The following CD300E variants were observed in gnomAD, a reference collection of about 807,000 sequenced individuals.
The protein encoded by CD300E is CMRF35-like molecule 2.
In CD300E, 14 loss-of-function variants were observed where a neutral mutation model predicts 20.9. That is an observed-to-expected ratio of 0.67 (90% CI 0.44 to 1.05). The LOEUF is 1.05. Ranked by LOEUF, CD300E falls within the 50% of genes least tolerant of loss-of-function variation. The pLI is 0.00. For synonymous variants in CD300E, 102 were observed against 103.7 expected (o/e 0.98, Z 0.10); for missense variants, 237 against 253.9 (o/e 0.93, Z 0.45).
rs1348074265 is a variant in CD300E, at chr17:74,611,715, T to C, written c.*938A>G. The C allele has an allele frequency of 6.6e-6, 1 of 152,356 alleles. No homozygotes were observed. The highest frequency in any genetic ancestry group is 1.5e-5 in the Non-Finnish European group (1 of 68,140). 9.4% of individuals were successfully genotyped at this position (152,356 alleles called of 1,614,324 possible). On this transcript the variant is annotated 3_prime_UTR_variant, in exon 4 of 4. Coordinates refer to ENST00000392619, the MANE Select transcript of CD300E (RefSeq NM_181449.3). Reference sequence around the variant, plus strand: ...GAACTGACTCTGTTGACCTTGTGCATTGGACACCTCCAGGTGGGGGAATTC... The same window carrying C: ...GAACTGACTCTGTTGACCTTGTGCACTGGACACCTCCAGGTGGGGGAATTC...
Position 74,611,515 on chromosome 17 carries a change from C to A in CD300E, c.*1138G>T, listed in dbSNP as rs753840590. 3.9e-5 allele frequency: 6 copies of A among 152,280 alleles called. No individual in the cohort carries two copies. The South Asian group carries it at 1.2e-3, about 32-fold the overall frequency. 9.4% of individuals were successfully genotyped at this position (152,280 alleles called of 1,614,324 possible). ...ACAAACATTCAGAAAACCAACTGAG[C>A]TCATTCCCGAGCCAGGGGTCACCAG... On this transcript the variant is annotated 3_prime_UTR_variant, in exon 4 of 4. Transcript: ENST00000392619.
rs954807902 is a variant in CD300E, at chr17:74,612,448, C to A, written c.*205G>T. 3.7e-5 allele frequency: 19 copies of A among 512,946 alleles called. No individual in the cohort carries two copies. Among genetic ancestry groups the A allele is most frequent in the African/African-American group, 3.6e-4 (18 of 50,688 alleles). The allele number at this position is 512,946 out of a possible 1,614,324, so 31.8% of individuals were successfully genotyped here. On this transcript the variant is annotated 3_prime_UTR_variant, in exon 4 of 4. Transcript: ENST00000392619. Reference sequence around the variant, plus strand: ...GGCATGAGGGCAGGGAGGCAGGGGACTGGGGAGGAGAAAGGAGGACCCCCA... The same window carrying A: ...GGCATGAGGGCAGGGAGGCAGGGGAATGGGGAGGAGAAAGGAGGACCCCCA...
At chr17:74,615,857 G>A (rs532790953) in intron 2 of CD300E, among the ~76,000 whole-genome samples, 146 of 152,300 alleles carry the variant, frequency 9.6e-4, no homozygotes, top group African/African-American at 3.3e-3. Context: ...AGGCCAAAGC[G>A]GGTGGATGAC....
At chr17:74,623,489 A>T in intron 1 of CD300E, 93 bp downstream of exon 1, 1 of 1,201,236 alleles carries the variant, frequency 8.3e-7, no homozygotes, top group Non-Finnish European at 1.2e-6. Flanking sequence ...TTTTCTGTGG[A>T]CACTTCACCT....
chr17:74,621,043 G>A (rs550083195), intron 1 of CD300E, among the ~76,000 whole-genome samples: 4 of 149,886 alleles, frequency 2.7e-5, no homozygotes, highest in East Asian at 2.0e-4. Context: ...ACTCCCTCTC[G>A]AAAAAAAAAG....
chr17:74,617,874 G>A (rs375218710), intron 1 of CD300E, among the ~76,000 whole-genome samples: 29 of 152,190 alleles, frequency 1.9e-4, no homozygotes, highest in African/African-American at 6.8e-4. Context: ...CACAACTTGC[G>A]GTTTCCTCCA....
intron 2 of CD300E, among the ~76,000 whole-genome samples, chr17:74,615,138 AC>A (rs1426308702): frequency 6.6e-6 from 1 of 152,232 alleles, no homozygotes; most frequent in Non-Finnish European, 1.5e-5. Flanking sequence ...CAATGGGAGC[AC>A]AGGGGAGAAG....
At chr17:74,616,477 G>A (rs777103904) in intron 2 of CD300E, among the ~76,000 whole-genome samples, 33 of 152,152 alleles carry the variant, frequency 2.2e-4, no homozygotes, top group Non-Finnish European at 3.8e-4. Context: ...GGTTGGAGTG[G>A]AGGCACTGGC....
chr17:74,617,389 C>G lies in CD300E; in HGVS notation c.117G>C (p.Glu39Asp), dbSNP rs898758637. 14 of 1,614,056 alleles carry G rather than the reference C, an allele frequency of 8.7e-6. No homozygotes were observed. The highest frequency in any genetic ancestry group is 1.2e-5 in the Non-Finnish European group (14 of 1,180,048). Residue 39 changes from glutamate to aspartate, a missense_variant, in exon 2 of 4, where the codon GAG becomes GAC. By Grantham distance (45) the Glu-to-Asp change is conservative (BLOSUM62 2). Coordinates refer to ENST00000392619, the MANE Select transcript of CD300E (RefSeq NM_181449.3). The stretch of plus-strand genomic sequence containing the variant: ...ACTTGTTATATCCCTTGTACATGCT[C>G]TCATACTGACACCACACTGTCAGAG... ...GDSLTVWCQYESMYKGYNKYW... is the reference protein window; with the variant it reads ...GDSLTVWCQYDSMYKGYNKYW...
Position 74,612,541 on chromosome 17 carries a change from C to A in CD300E, c.*112G>T. The A allele has an allele frequency of 7.0e-7, 1 of 1,434,342 alleles. No homozygotes were observed. The highest frequency in any genetic ancestry group is 9.4e-7 in the Non-Finnish European group (1 of 1,064,188). The allele number at this position is 1,434,342 out of a possible 1,614,324, so 88.9% of individuals were successfully genotyped here. ...AGGACCCTCCTTTGAGGCACAGGAA[C>A]AATAAATCCCTCCAGAGTCCACAGG... On this transcript the variant is annotated 3_prime_UTR_variant, in exon 4 of 4. Transcript: ENST00000392619.
At chr17:74,616,594 G>A (rs928372588) in intron 2 of CD300E, among the ~76,000 whole-genome samples, 1 of 152,170 alleles carries the variant, frequency 6.6e-6, no homozygotes, top group Non-Finnish European at 1.5e-5. Context: ...AAAGGAAGCA[G>A]GTGGAAAGTC....
rs958173770 is a variant in CD300E, at chr17:74,615,883, T to C, written c.388+1235A>G. Among the ~76,000 whole-genome samples, 6 of 152,232 alleles carry C rather than the reference T, an allele frequency of 3.9e-5. No individual in the cohort carries two copies. In the South Asian group the frequency reaches 1.2e-3, roughly 32 times the overall value. ...GGTGGATGACTTGAGGTCAGGAGTT[T>C]GAGACCTGTCTGGGCAACGCGGGAA... On this transcript the variant is annotated intron_variant, in intron 2 of 3. Coordinates refer to ENST00000392619, the MANE Select transcript of CD300E (RefSeq NM_181449.3).
At position 74,619,167 on chromosome 17, in the gene CD300E, C is replaced by T. The variant is rs1441373350; in HGVS notation, c.41-1702G>A. On this transcript the variant is annotated intron_variant, in intron 1 of 3. Transcript: ENST00000392619. ...TCCCAGCAGCACCTCCTTCTAGGTT[C>T]TGGACAGAGCTCAGGACTGCATTTC... 6 of 470,470 alleles carry T rather than the reference C, an allele frequency of 1.3e-5. No individual in the cohort carries two copies. The East Asian group carries it at 4.2e-4, about 33-fold the overall frequency. 29.1% of individuals were successfully genotyped at this position (470,470 alleles called of 1,614,324 possible).
chr17:74,617,916 C>T (rs945946237), intron 1 of CD300E, among the ~76,000 whole-genome samples: 2 of 152,226 alleles, frequency 1.3e-5, no homozygotes, highest in Non-Finnish European at 2.9e-5. Context: ...AGGAAAAATA[C>T]TCTCCGGCTC....
At chr17:74,617,043 C>T in intron 2 of CD300E, 75 bp downstream of exon 2, 1 of 1,269,716 alleles carries the variant, frequency 7.9e-7, no homozygotes, top group Non-Finnish European at 1.1e-6. Flanking sequence ...ACGCACACTT[C>T]AGTGTGCCGC....
chr17:74,619,625 T>TAC (rs992348148), intron 1 of CD300E, among the ~76,000 whole-genome samples: 154 of 149,694 alleles, frequency 1.0e-3, no homozygotes, highest in Middle Eastern at 6.8e-3. Context: ...CACACACACA[T>TAC]ACACACACAC....
chr17:74,614,866 G>T (rs2030865897), intron 2 of CD300E, among the ~76,000 whole-genome samples: 1 of 152,184 alleles, frequency 6.6e-6, no homozygotes, highest in South Asian at 2.1e-4. Flanking sequence ...GTGACCACCA[G>T]ACTATTGACA....
At chr17:74,617,806 T>G (rs962289023) in intron 1 of CD300E, among the ~76,000 whole-genome samples, 1 of 152,178 alleles carries the variant, frequency 6.6e-6, no homozygotes, top group African/African-American at 2.4e-5. Context: ...TCACTTCCCT[T>G]TGGAGTGAGA....
chr17:74,623,050 C>T lies in CD300E; in HGVS notation c.40+532G>A, dbSNP rs532411725. On this transcript the variant is annotated intron_variant, in intron 1 of 3. Transcript: ENST00000392619. ...ACCACGCCCAGCCCATTAATTATTT[C>T]TCACAAACCATTCCAACCCCTTTAC... 1.2e-4 allele frequency among the ~76,000 whole-genome samples: 19 copies of T among 152,316 alleles called. No individual in the cohort carries two copies. In the South Asian group the frequency reaches 2.5e-3, roughly 20 times the overall value.
Sources: gnomAD v4.1 joint callset for allele counts (sites outside exome capture counted in the v4.1 genomes callset) on GRCh38, gnomAD v4.1.1 for gene constraint, MANE v1.5 for transcripts, NCBI Gene and HGNC (gene_info 2026-07-23, HGNC 2026-07-21) for gene names.